Variants in CNTNAP2 observed in about 807,000 individuals in gnomAD.
CNTNAP2 encodes contactin-associated protein-like 2.
Under a neutral mutation model 155.2 loss-of-function variants are expected in CNTNAP2, and 98 were observed. The observed-to-expected ratio is 0.63, with a 90% CI of 0.54 to 0.75. The LOEUF (loss-of-function observed/expected upper bound fraction) is 0.75. Ranked by LOEUF, CNTNAP2 falls within the 30% of genes least tolerant of loss-of-function variation. The pLI is 0.00. For synonymous variants in CNTNAP2, 651 were observed against 631.2 expected, an observed-to-expected ratio of 1.03 and a Z score of -0.47; for missense variants, 1,727 against 1,688.1, an observed-to-expected ratio of 1.02 and a Z score of -0.40.
intron 13 of CNTNAP2, among the ~76,000 whole-genome samples, chr7:147,739,471 C>G (rs981372024): frequency 1.3e-5 from 2 of 152,092 alleles, no homozygotes; most frequent in Non-Finnish European, 2.9e-5. Flanking sequence ...CAGTGAGTTT[C>G]TACTGCTAGG....
At chr7:148,092,309 A>G (rs1803860340) in intron 15 of CNTNAP2, among the ~76,000 whole-genome samples, 1 of 152,192 alleles carries the variant, frequency 6.6e-6, no homozygotes, top group Admixed American at 6.5e-5. Context: ...TCATACATCA[A>G]TCCACACAGG....
intron 9 of CNTNAP2, among the ~76,000 whole-genome samples, chr7:147,339,275 T>G (rs1795718272): frequency 6.6e-6 from 1 of 152,130 alleles, no homozygotes; most frequent in Non-Finnish European, 1.5e-5. Flanking sequence ...TTTGGATCCA[T>G]GGGGGCAGTT....
intron 17 of CNTNAP2, among the ~76,000 whole-genome samples, chr7:148,156,230 A>AATGTTTTGTTT (rs1482780525): frequency 3.3e-5 from 5 of 152,150 alleles, no homozygotes; most frequent in Admixed American, 6.5e-5. Flanking sequence ...ACATGGAAAT[A>AATGTTTTGTTT]ATGTTTTGTT....
At chr7:146,737,133 C>T (rs1247692669) in intron 1 of CNTNAP2, among the ~76,000 whole-genome samples, 2 of 151,992 alleles carry the variant, frequency 1.3e-5, no homozygotes, top group East Asian at 1.9e-4. Context: ...TACTTTGGAA[C>T]TCAGTTACAA....
chr7:146,708,270 G>T (rs1801000532), intron 1 of CNTNAP2, among the ~76,000 whole-genome samples: 1 of 151,922 alleles, frequency 6.6e-6, no homozygotes, highest in South Asian at 2.1e-4. Flanking sequence ...TATAATACAG[G>T]ACCTTACCGG....
chr7:148,286,805 G>A (rs1797092088), intron 21 of CNTNAP2, among the ~76,000 whole-genome samples: 1 of 152,136 alleles, frequency 6.6e-6, no homozygotes, highest in Non-Finnish European at 1.5e-5. Context: ...AGCATTTTTA[G>A]GTTCACAGAA....
intron 13 of CNTNAP2, among the ~76,000 whole-genome samples, chr7:147,700,873 T>C (rs144270554): frequency 0.017 from 2,513 of 152,296 alleles, 224 homozygotes; most frequent in Admixed American, 0.15. Context: ...CCGCTGGGTC[T>C]CCTTTTGTAC....
At chr7:147,938,705 C>T (rs1800661269) in intron 14 of CNTNAP2, among the ~76,000 whole-genome samples, 2 of 152,070 alleles carry the variant, frequency 1.3e-5, no homozygotes, top group African/African-American at 2.4e-5. Context: ...TTATAAAGTA[C>T]ACATACTCCT....
chr7:147,225,044 T>G (rs557957776), intron 8 of CNTNAP2, among the ~76,000 whole-genome samples: 1 of 152,206 alleles, frequency 6.6e-6, no homozygotes, highest in Non-Finnish European at 1.5e-5. Context: ...TGATAAAGAC[T>G]TAGTGACTTG....
At chr7:146,245,977 T>C (rs181991542) in intron 1 of CNTNAP2, among the ~76,000 whole-genome samples, 35 of 143,810 alleles carry the variant, frequency 2.4e-4, no homozygotes, top group South Asian at 1.1e-3. Flanking sequence ...TGATAAGGCA[T>C]AGATCCTGAA....
chr7:148,365,337 TCTTTCA>T (rs1450656189), intron 21 of CNTNAP2, among the ~76,000 whole-genome samples: 1 of 152,210 alleles, frequency 6.6e-6, no homozygotes, highest in Non-Finnish European at 1.5e-5. Flanking sequence ...AGCTTTTTTG[TCTTTCA>T]CTTATTAATT....
intron 1 of CNTNAP2, among the ~76,000 whole-genome samples, chr7:146,371,687 C>T (rs1469888155): frequency 1.3e-5 from 2 of 151,814 alleles, no homozygotes; most frequent in African/African-American, 2.4e-5. Flanking sequence ...CGTGGTGGCT[C>T]ATGGCTGTAA....
At chr7:148,176,381 C>T (rs1474981061) in intron 18 of CNTNAP2, among the ~76,000 whole-genome samples, 4 of 151,952 alleles carry the variant, frequency 2.6e-5, no homozygotes, top group Non-Finnish European at 4.4e-5. Context: ...ATCACCACAT[C>T]CAGCTAATTT....
chr7:146,435,733 A>G (rs1307025451), intron 1 of CNTNAP2, among the ~76,000 whole-genome samples: 1 of 151,962 alleles, frequency 6.6e-6, no homozygotes, highest in East Asian at 1.9e-4. Context: ...ATATATTTCA[A>G]CCCCCTTTAT....
chr7:148,159,161 G>C (rs775155132), intron 17 of CNTNAP2, among the ~76,000 whole-genome samples: 1 of 152,152 alleles, frequency 6.6e-6, no homozygotes, highest in African/African-American at 2.4e-5. Flanking sequence ...GCAGGATATT[G>C]CGTGGGTCTC....
intron 1 of CNTNAP2, among the ~76,000 whole-genome samples, chr7:146,495,986 G>T (rs1169156553): frequency 6.6e-6 from 1 of 152,134 alleles, no homozygotes; most frequent in Admixed American, 6.5e-5. Context: ...GTGGAGTGAG[G>T]CTCCTTCCTA....
chr7:147,484,533 G>A (rs1440107980), intron 10 of CNTNAP2, among the ~76,000 whole-genome samples: 3 of 152,136 alleles, frequency 2.0e-5, no homozygotes, highest in South Asian at 2.1e-4. Flanking sequence ...GAATACAGTC[G>A]TAGTCATCTT....
At chr7:147,187,306 G>A (rs139673419) in intron 8 of CNTNAP2, among the ~76,000 whole-genome samples, 1 of 152,220 alleles carries the variant, frequency 6.6e-6, no homozygotes, top group East Asian at 1.9e-4. Context: ...TCCTGCCAGA[G>A]GTACTGAGTG....
At position 146,654,019 on chromosome 7, in the gene CNTNAP2, T is replaced by TA. The variant is rs933525806; in HGVS notation, c.98-120243dup. ...AATCCCAGAACAGTTCTTTGTATAT[T>TA]AAAAAAAAATCCTTTACATATTCCA... On this transcript the variant is annotated intron_variant, in intron 1 of 23. Transcript: ENST00000361727. Among the ~76,000 whole-genome samples the TA allele has an allele frequency of 6.6e-5, 10 of 151,524 alleles. No homozygotes were observed. In the South Asian group the frequency reaches 1.7e-3, roughly 25 times the overall value.
Sources: allele counts gnomAD v4.1 joint callset (sites outside exome capture counted in the v4.1 genomes callset), GRCh38; gene constraint gnomAD v4.1.1; transcripts MANE v1.5; gene names NCBI Gene and HGNC (gene_info 2026-07-23, HGNC 2026-07-21).